Variants in CNTNAP2 observed in about 807,000 individuals in gnomAD.
CNTNAP2 encodes the protein contactin associated protein 2.
CNTNAP2 carries 98 observed loss-of-function variants against 155.2 expected under a neutral mutation model. The observed-to-expected ratio is 0.63, with a 90% CI of 0.54 to 0.75. The LOEUF (loss-of-function observed/expected upper bound fraction) is 0.75, where lower values mean the gene tolerates loss of function less well. Ranked by LOEUF, CNTNAP2 falls within the 30% of genes least tolerant of loss-of-function variation. CNTNAP2 has a pLI of 0.00. For synonymous variants in CNTNAP2, 651 were observed against 631.2 expected, an observed-to-expected ratio of 1.03 and a Z score of -0.47; for missense variants, 1,727 against 1,688.1, an observed-to-expected ratio of 1.02 and a Z score of -0.40.
At chr7:147,705,588 A>G (rs1796297978) in intron 13 of CNTNAP2, among the ~76,000 whole-genome samples, 1 of 152,066 alleles carries the variant, frequency 6.6e-6, no homozygotes, top group South Asian at 2.1e-4. Context: ...TGCAGTTTAA[A>G]TCCTTTTAAT....
intron 3 of CNTNAP2, among the ~76,000 whole-genome samples, chr7:146,969,391 G>T (rs1404496849): frequency 6.6e-6 from 1 of 151,996 alleles, no homozygotes; most frequent in East Asian, 1.9e-4. Context: ...TTGTTGATCT[G>T]TCTAATGTTG....
intron 13 of CNTNAP2, among the ~76,000 whole-genome samples, chr7:147,882,518 G>A (rs1259352466): frequency 2.0e-5 from 3 of 152,190 alleles, no homozygotes; most frequent in Non-Finnish European, 4.4e-5. Context: ...CCTCTAGGCT[G>A]TCAACATTAC....
chr7:148,236,911 A>G (rs1170608000), intron 20 of CNTNAP2, among the ~76,000 whole-genome samples: 1 of 152,200 alleles, frequency 6.6e-6, no homozygotes, highest in Non-Finnish European at 1.5e-5. Context: ...GAACAGCACC[A>G]AGAGGGTGGT....
At chr7:147,922,085 G>C (rs992850667) in intron 14 of CNTNAP2, among the ~76,000 whole-genome samples, 1 of 152,086 alleles carries the variant, frequency 6.6e-6, no homozygotes, top group Non-Finnish European at 1.5e-5. Context: ...TATATCTCTA[G>C]TATAAAAAGC....
chr7:147,860,604 GTGTT>G (rs1426212525), intron 13 of CNTNAP2, among the ~76,000 whole-genome samples: 6 of 119,980 alleles, frequency 5.0e-5, no homozygotes, highest in Non-Finnish European at 1.0e-4. Flanking sequence ...AAAAAAAAAA[GTGTT>G]TGGCAGTTTC....
At chr7:147,602,348 T>A (rs900641378) in intron 12 of CNTNAP2, among the ~76,000 whole-genome samples, 5 of 131,670 alleles carry the variant, frequency 3.8e-5, no homozygotes, top group African/African-American at 1.5e-4. Flanking sequence ...AGGCATTATG[T>A]ACTTCAGTCT....
intron 9 of CNTNAP2, among the ~76,000 whole-genome samples, chr7:147,335,179 T>A (rs1046534168): frequency 5.9e-5 from 9 of 152,188 alleles, no homozygotes; most frequent in African/African-American, 2.2e-4. Flanking sequence ...TCAACTCTTG[T>A]TCTATGGTAG....
chr7:147,547,682 A>G (rs912259594), intron 11 of CNTNAP2, among the ~76,000 whole-genome samples: 56 of 151,980 alleles, frequency 3.7e-4, no homozygotes, highest in Non-Finnish European at 7.4e-5. Context: ...CAGAACATGC[A>G]GGTTTGTTAC....
chr7:146,752,559 T>C (rs532656807), intron 1 of CNTNAP2, among the ~76,000 whole-genome samples: 97 of 152,280 alleles, frequency 6.4e-4, no homozygotes, highest in African/African-American at 2.3e-3. Context: ...TTTCTCCCAT[T>C]CTATAGGTTG....
Position 147,002,163 on chromosome 7 carries a change from A to G in CNTNAP2, c.403-41744A>G, listed in dbSNP as rs115886739. Among the ~76,000 whole-genome samples, 548 of 152,152 alleles carry G rather than the reference A, an allele frequency of 3.6e-3. 9 individuals carry two copies. The highest frequency in any genetic ancestry group is 0.012 in the African/African-American group (516 of 41,552). ...CTTTAAAAGATGCATTTATTATATA[A>G]TAATTTACTGTGAGCTATGTGTTTT... On this transcript the variant is annotated intron_variant, in intron 3 of 23. Coordinates refer to ENST00000361727, the MANE Select transcript of CNTNAP2 (RefSeq NM_014141.6).
chr7:146,156,684 C>T (rs1054081687), intron 1 of CNTNAP2, among the ~76,000 whole-genome samples: 15 of 152,078 alleles, frequency 9.9e-5, no homozygotes, highest in Admixed American at 2.6e-4. Context: ...CTCACTATAA[C>T]CTCTGCCTCC....
At chr7:146,284,625 G>T (rs887899815) in intron 1 of CNTNAP2, among the ~76,000 whole-genome samples, 3 of 152,152 alleles carry the variant, frequency 2.0e-5, no homozygotes, top group South Asian at 4.1e-4. Context: ...AAACATCTTT[G>T]TTATCTGATG....
At chr7:147,625,977 G>C (rs1371264572) in intron 12 of CNTNAP2, among the ~76,000 whole-genome samples, 1 of 152,168 alleles carries the variant, frequency 6.6e-6, no homozygotes, top group Non-Finnish European at 1.5e-5. Context: ...AAAAGTAGAA[G>C]TAGCAGCAGA....
In CNTNAP2 at chr7:147,440,628, C is replaced by G. The variant is rs565966458; in HGVS notation, c.1670+44848C>G. ...TTTCTGATTGAAGAACTCCCTTTAG[C>G]ATTTCTTGCAGGACAGATCTGGTAT... On this transcript the variant is annotated intron_variant, in intron 10 of 23. Transcript: ENST00000361727. Among the ~76,000 whole-genome samples the G allele has an allele frequency of 3.7e-3, 569 of 152,254 alleles. 3 individuals carry two copies. The highest frequency in any genetic ancestry group is 0.013 in the African/African-American group (529 of 41,572).
At chr7:148,098,560 C>G (rs1156569635) in intron 15 of CNTNAP2, among the ~76,000 whole-genome samples, 2 of 150,806 alleles carry the variant, frequency 1.3e-5, no homozygotes, top group African/African-American at 2.4e-5. Flanking sequence ...GAGGTCCTAG[C>G]TGGGCACAGT....
At chr7:146,965,047 A>G (rs1317912475) in intron 3 of CNTNAP2, among the ~76,000 whole-genome samples, 2 of 152,246 alleles carry the variant, frequency 1.3e-5, no homozygotes, top group Non-Finnish European at 2.9e-5. Flanking sequence ...GCTTATGCAT[A>G]AATACTTAAA....
At chr7:146,779,160 C>A (rs1025378080) in intron 2 of CNTNAP2, among the ~76,000 whole-genome samples, 1 of 152,180 alleles carries the variant, frequency 6.6e-6, no homozygotes, top group South Asian at 2.1e-4. Flanking sequence ...TCTGACTGAA[C>A]TTCAGCTTGA....
At chr7:146,613,951 TTTA>T (rs1344205055) in intron 1 of CNTNAP2, among the ~76,000 whole-genome samples, 2 of 152,142 alleles carry the variant, frequency 1.3e-5, no homozygotes, top group African/African-American at 2.4e-5. Flanking sequence ...AAATAAGTAA[TTTA>T]TTATTTCTTA....
chr7:148,242,400 C>G (rs1350640988), intron 20 of CNTNAP2, among the ~76,000 whole-genome samples: 1 of 152,188 alleles, frequency 6.6e-6, no homozygotes, highest in Admixed American at 6.5e-5. Context: ...GGGATTGAGT[C>G]TGAAGATTTT....
Sources: allele counts gnomAD v4.1 joint callset (sites outside exome capture counted in the v4.1 genomes callset), GRCh38; gene constraint gnomAD v4.1.1; transcripts MANE v1.5; gene names NCBI Gene and HGNC (gene_info 2026-07-23, HGNC 2026-07-21).